The following SPATA13 variants were observed in gnomAD, a reference collection of about 807,000 sequenced individuals.
The protein encoded by SPATA13 is spermatogenesis-associated protein 13.
In SPATA13, 50 loss-of-function variants were observed where a neutral mutation model predicts 104.0. The ratio of observed to expected loss-of-function variants is 0.48; its 90% CI spans 0.38 to 0.61. The LOEUF (loss-of-function observed/expected upper bound fraction) is 0.61, where lower values mean the gene tolerates loss of function less well. Ranked by LOEUF, SPATA13 falls within the 20% of genes least tolerant of loss-of-function variation. The probability of loss-of-function intolerance (pLI) is 0.00; values close to 1 mark genes in which losing one functional copy is unlikely to be tolerated. For synonymous variants in SPATA13, 606 were observed against 667.5 expected (o/e 0.91, Z 1.42); for missense variants, 1,524 against 1,690.6 (o/e 0.90, Z 1.73).
intron 1 of SPATA13, among the ~76,000 whole-genome samples, chr13:24,172,018 G>T (rs1882990621): frequency 6.6e-6 from 1 of 152,078 alleles, no homozygotes; most frequent in Non-Finnish European, 1.5e-5. Flanking sequence ...TACAATGGTG[G>T]AACTAAGGAT....
At chr13:24,037,848 A>G (rs1252949699) in intron 3 of SPATA13, among the ~76,000 whole-genome samples, 1 of 152,124 alleles carries the variant, frequency 6.6e-6, no homozygotes, top group Non-Finnish European at 1.5e-5. Context: ...ATGTCTGTGT[A>G]TATATATCAT....
intron 2 of SPATA13, among the ~76,000 whole-genome samples, chr13:24,241,110 C>T (rs1188976352): frequency 6.6e-6 from 1 of 152,172 alleles, no homozygotes; most frequent in Non-Finnish European, 1.5e-5. Context: ...TGTCAGAATT[C>T]CACCAACCAC....
chr13:23,995,502 A>G (rs1303465624), intron 2 of SPATA13, among the ~76,000 whole-genome samples: 1 of 152,230 alleles, frequency 6.6e-6, no homozygotes, highest in Non-Finnish European at 1.5e-5. Context: ...CAGGTCTGGC[A>G]GGGGCCCTAA....
At chr13:24,065,189 G>A (rs1446430001) in intron 3 of SPATA13, among the ~76,000 whole-genome samples, 5 of 152,110 alleles carry the variant, frequency 3.3e-5, no homozygotes, top group East Asian at 3.8e-4. Context: ...ATATATCAGC[G>A]ACAACTGTAT....
chr13:24,125,780 AC>A (rs1881193752), intron 3 of SPATA13, among the ~76,000 whole-genome samples: 3 of 152,296 alleles, frequency 2.0e-5, no homozygotes, highest in Middle Eastern at 3.4e-3. Context: ...GCAAAAAGGA[AC>A]CAGGAGGCAG....
At chr13:24,272,840 CAA>C (rs1874714118) in intron 4 of SPATA13, 2 of 152,288 alleles carry the variant, frequency 1.3e-5, no homozygotes, top group African/African-American at 4.8e-5. Context: ...GTGAGGCTCT[CAA>C]GAGGATTTAT....
Position 24,071,254 on chromosome 13 carries a change from G to A in SPATA13, c.-112+53553G>A, listed in dbSNP as rs1050266600. Among the ~76,000 whole-genome samples the A allele has an allele frequency of 2.6e-5, 4 of 152,320 alleles. No individual in the cohort carries two copies. In the South Asian group the frequency reaches 8.3e-4, roughly 32 times the overall value. ...GACTCATAGTAGACACATTGGAATG[G>A]AGGGCAGCAAGACCAAAGGGTGGGA... is the stretch of plus-strand genomic sequence containing the variant. On this transcript the variant is annotated intron_variant, in intron 3 of 14. Transcript: ENST00000424834.
At chr13:24,108,665 G>C (rs539756442) in intron 3 of SPATA13, among the ~76,000 whole-genome samples, 67 of 152,082 alleles carry the variant, frequency 4.4e-4, no homozygotes, top group African/African-American at 1.3e-3. Flanking sequence ...ATGGTAGGGG[G>C]GGGGAAGCCT....
chr13:24,172,083 C>A (rs1427817036), intron 1 of SPATA13, among the ~76,000 whole-genome samples: 1 of 152,180 alleles, frequency 6.6e-6, no homozygotes, highest in Non-Finnish European at 1.5e-5. Flanking sequence ...AGGATCCCTC[C>A]TGCTTGTCCA....
intron 3 of SPATA13, among the ~76,000 whole-genome samples, chr13:24,022,009 C>A (rs553729128): frequency 6.6e-6 from 1 of 150,932 alleles, no homozygotes; most frequent in South Asian, 2.1e-4. Context: ...CTGCGCCCGG[C>A]CAGTTGTTGG....
At chr13:24,013,780 T>C (rs1179230060) in intron 2 of SPATA13, among the ~76,000 whole-genome samples, 1 of 151,578 alleles carries the variant, frequency 6.6e-6, no homozygotes, top group Non-Finnish European at 1.5e-5. Context: ...CATGTGTTCA[T>C]TTATTTTGTC....
intron 1 of SPATA13, among the ~76,000 whole-genome samples, chr13:24,172,861 A>C (rs542036273): frequency 1.6e-4 from 25 of 152,270 alleles, no homozygotes; most frequent in African/African-American, 4.3e-4. Context: ...ATCAACATAA[A>C]ATCTTGCTGG....
Position 24,297,656 on chromosome 13 carries a change from C to CA in SPATA13, c.3510dup (p.Gln1171ThrfsTer14). The CA allele has an allele frequency of 6.2e-7, 1 of 1,614,118 alleles. No homozygotes were observed. Among genetic ancestry groups the CA allele is most frequent in the East Asian group, 2.2e-5 (1 of 44,880 alleles). ...CAGACGAGGTTTATTTGTTTTGTGC[C>CA]AAAAAACAAGAAGACAAGGCGAGGT... On this transcript the variant is annotated frameshift_variant, in exon 11 of 13. Coordinates refer to ENST00000382108, the MANE Select transcript of SPATA13 (RefSeq NM_001166271.3). LOFTEE classifies it high-confidence loss of function.
chr13:24,057,588 G>T (rs895119337), intron 3 of SPATA13, among the ~76,000 whole-genome samples: 3 of 146,598 alleles, frequency 2.0e-5, no homozygotes, highest in Non-Finnish European at 3.1e-5. Flanking sequence ...GATTTACCTT[G>T]TTGGGGCATA....
rs987832899 is a variant in SPATA13, at chr13:24,051,041, G to T, written c.-112+33340G>T. 2.0e-5 allele frequency among the ~76,000 whole-genome samples: 3 copies of T among 152,168 alleles called. No homozygotes were observed. The highest frequency in any genetic ancestry group is 7.2e-5 in the African/African-American group (3 of 41,444). ...CTAAGCAGGCTATAGACCCATATCT[G>T]CCATCCACCAGCTGGGTAGCTGTGG... On this transcript the variant is annotated intron_variant, in intron 3 of 14. Coordinates refer to the SPATA13 transcript ENST00000424834. This position sits in a 1 kb window ranked among gnomAD's most constrained non-coding sequence, Gnocchi z 4.2.
intron 1 of SPATA13, among the ~76,000 whole-genome samples, chr13:24,168,146 A>G (rs1882824025): frequency 6.6e-6 from 1 of 152,192 alleles, no homozygotes; most frequent in Admixed American, 6.5e-5. Context: ...CCATGCAGCA[A>G]TTATCCTAAA....
intron 3 of SPATA13, among the ~76,000 whole-genome samples, chr13:24,080,979 C>T (rs1354003111): frequency 6.6e-6 from 1 of 152,168 alleles, no homozygotes; most frequent in Admixed American, 6.5e-5. Flanking sequence ...TTTTGTCATT[C>T]CGAGGGTTCT....
intron 3 of SPATA13, 80 bp from the exon 4 acceptor site, chr13:24,251,638 G>A (rs1022466294): frequency 3.2e-6 from 5 of 1,556,876 alleles, no homozygotes; most frequent in Middle Eastern, 1.7e-4. Context: ...GCTTCGAGGT[G>A]AGAGCGCTAT....
intron 2 of SPATA13, among the ~76,000 whole-genome samples, chr13:24,243,105 T>C (rs1234140380): frequency 7.2e-5 from 11 of 152,248 alleles, no homozygotes; most frequent in Non-Finnish European, 1.6e-4. Context: ...ATTTGTGATA[T>C]TGTCTGATTA....
Sources: gnomAD v4.1 joint callset for allele counts (sites outside exome capture counted in the v4.1 genomes callset) on GRCh38, gnomAD v4.1.1 for gene constraint, Gnocchi (gnomAD v3.1) non-coding constraint, MANE v1.5 for transcripts, NCBI Gene and HGNC (gene_info 2026-07-23, HGNC 2026-07-21) for gene names.